The following PTPRD variants were observed in gnomAD, a reference collection of about 807,000 sequenced individuals.
PTPRD encodes the protein protein tyrosine phosphatase receptor type D.
PTPRD carries 34 observed loss-of-function variants against 214.5 expected under a neutral mutation model. The observed-to-expected ratio is 0.16, with a 90% CI of 0.12 to 0.21. The LOEUF (loss-of-function observed/expected upper bound fraction) is 0.21. Ranked by LOEUF, PTPRD falls within the 10% of genes least tolerant of loss-of-function variation. PTPRD has a pLI of 1.00. For synonymous variants in PTPRD, 1,128 were observed against 845.7 expected, an observed-to-expected ratio of 1.33 and a Z score of -5.79; for missense variants, 2,545 against 2,398.7, an observed-to-expected ratio of 1.06 and a Z score of -1.27.
At chr9:9,702,416 G>C (rs1320245234) in intron 7 of PTPRD, among the ~76,000 whole-genome samples, 1 of 152,136 alleles carries the variant, frequency 6.6e-6, no homozygotes, top group African/African-American at 2.4e-5. Context: ...CTTTTTCTGG[G>C]TCAGATGTTC....
chr9:9,243,223 C>G (rs888582905), intron 9 of PTPRD, among the ~76,000 whole-genome samples: 1 of 152,116 alleles, frequency 6.6e-6, no homozygotes, highest in Non-Finnish European at 1.5e-5. Flanking sequence ...CAAGGAGGAG[C>G]TGCTACCATT....
chr9:8,902,385 C>CTA (rs2098677017), intron 11 of PTPRD, among the ~76,000 whole-genome samples: 1 of 149,800 alleles, frequency 6.7e-6, no homozygotes, highest in Non-Finnish European at 1.5e-5. Flanking sequence ...CTCTGTTGCC[C>CTA]AGGCTGGAGT....
intron 8 of PTPRD, among the ~76,000 whole-genome samples, chr9:9,550,968 G>T (rs190744308): frequency 6.6e-6 from 1 of 151,842 alleles, no homozygotes; most frequent in Non-Finnish European, 1.5e-5. Context: ...TAGAGAAACT[G>T]TATCACTCAT....
chr9:9,795,934 A>T (rs1255789419), intron 5 of PTPRD, among the ~76,000 whole-genome samples: 1 of 152,188 alleles, frequency 6.6e-6, no homozygotes, highest in Non-Finnish European at 1.5e-5. Context: ...AAACTATCAC[A>T]GGATTGTTTC....
intron 3 of PTPRD, among the ~76,000 whole-genome samples, chr9:10,085,602 C>A (rs750737314): frequency 6.9e-6 from 1 of 145,360 alleles, no homozygotes; most frequent in African/African-American, 2.8e-5. Flanking sequence ...AAATGAGACA[C>A]AGAGAAGAAA....
At chr9:9,853,317 T>C (rs1044949305) in intron 5 of PTPRD, among the ~76,000 whole-genome samples, 6 of 152,200 alleles carry the variant, frequency 3.9e-5, no homozygotes, top group Non-Finnish European at 5.9e-5. Context: ...AATTCAAGTT[T>C]CATATAATTC....
chr9:10,109,199 A>G (rs1441832935), intron 3 of PTPRD, among the ~76,000 whole-genome samples: 1 of 152,166 alleles, frequency 6.6e-6, no homozygotes, highest in African/African-American at 2.4e-5. Flanking sequence ...CTGTTACTGC[A>G]TTTTTATTTC....
At chr9:9,904,447 G>A (rs568588001) in intron 5 of PTPRD, among the ~76,000 whole-genome samples, 3 of 152,044 alleles carry the variant, frequency 2.0e-5, no homozygotes, top group South Asian at 2.1e-4. Context: ...ATATTTTAAA[G>A]TGTATTCACT....
chr9:10,260,068 T>C (rs1018820484), intron 3 of PTPRD, among the ~76,000 whole-genome samples: 1 of 152,188 alleles, frequency 6.6e-6, no homozygotes, highest in African/African-American at 2.4e-5. Context: ...TGAAGCTCCC[T>C]ACTACACTAA....
intron 26 of PTPRD, among the ~76,000 whole-genome samples, chr9:8,495,557 T>C (rs1282478770): frequency 6.6e-6 from 1 of 152,226 alleles, no homozygotes; most frequent in Admixed American, 6.5e-5. Context: ...ATTTAGTCAG[T>C]CATGACCAGA....
At chr9:8,642,904 G>T (rs1185620727) in intron 12 of PTPRD, among the ~76,000 whole-genome samples, 2 of 152,164 alleles carry the variant, frequency 1.3e-5, no homozygotes, top group African/African-American at 4.8e-5. Context: ...GAAAGGGAGG[G>T]AGGTCCCAAA....
chr9:8,949,937 C>T (rs376656632), intron 11 of PTPRD, among the ~76,000 whole-genome samples: 36 of 152,240 alleles, frequency 2.4e-4, no homozygotes, highest in African/African-American at 8.7e-4. Flanking sequence ...CTATTCCCTG[C>T]ATTCAAGAAT....
At chr9:8,929,693 A>ATATATATATGTGTATATATATATGTG (rs2098931085) in intron 11 of PTPRD, among the ~76,000 whole-genome samples, 2 of 99,246 alleles carry the variant, frequency 2.0e-5, no homozygotes, top group African/African-American at 3.2e-5. Flanking sequence ...ATATATGTGT[A>ATATATATATGTGTATATATATATGTG]TATATATATG....
chr9:9,469,380 C>T (rs1401472486), intron 8 of PTPRD, among the ~76,000 whole-genome samples: 1 of 152,046 alleles, frequency 6.6e-6, no homozygotes, highest in African/African-American at 2.4e-5. Flanking sequence ...TGGCAATGTT[C>T]CCCAGAGAAC....
intron 2 of PTPRD, among the ~76,000 whole-genome samples, chr9:10,472,580 G>C (rs2099038057): frequency 6.6e-6 from 1 of 152,022 alleles, no homozygotes; most frequent in Non-Finnish European, 1.5e-5. Context: ...CTGAGCAGGA[G>C]CTCTTGAGCA....
intron 11 of PTPRD, among the ~76,000 whole-genome samples, chr9:8,847,654 T>C (rs2097725046): frequency 6.6e-6 from 1 of 152,108 alleles, no homozygotes; most frequent in Non-Finnish European, 1.5e-5. Flanking sequence ...CAAACAAATA[T>C]AAGATCCTGT....
At chr9:10,488,901 G>T (rs746609261) in intron 2 of PTPRD, among the ~76,000 whole-genome samples, 2 of 152,094 alleles carry the variant, frequency 1.3e-5, no homozygotes, top group Non-Finnish European at 2.9e-5. Flanking sequence ...CAGTCCAATA[G>T]CCAAGTCCTA....
chr9:9,402,979 AAAAAAAAAAACAC>A (rs1325017752), intron 8 of PTPRD, among the ~76,000 whole-genome samples: 46 of 144,198 alleles, frequency 3.2e-4, no homozygotes, highest in African/African-American at 1.1e-3. Context: ...AAAAAAAAAA[AAAAAAAAAAACAC>A]CAAAAAAAAA....
chr9:10,139,112 G>A (rs1044406235), intron 3 of PTPRD, among the ~76,000 whole-genome samples: 6 of 151,960 alleles, frequency 3.9e-5, no homozygotes, highest in Non-Finnish European at 7.4e-5. Context: ...ATCTTTCTTC[G>A]CTAATGATAT....
Sources: gnomAD v4.1 joint callset for allele counts (sites outside exome capture counted in the v4.1 genomes callset) on GRCh38, gnomAD v4.1.1 for gene constraint, MANE v1.5 for transcripts, NCBI Gene and HGNC (gene_info 2026-07-23, HGNC 2026-07-21) for gene names.